The following WDR88 variants were observed in gnomAD, a reference collection of about 807,000 sequenced individuals.
WDR88 encodes the protein WD repeat-containing protein 88.
A neutral mutation model predicts 46.8 loss-of-function variants in WDR88; 40 were observed. That is an observed-to-expected ratio of 0.86 (90% CI 0.66 to 1.11). The LOEUF (loss-of-function observed/expected upper bound fraction) is 1.11. WDR88 is among the 50% of genes most tolerant of loss of function. WDR88 has a pLI of 0.00. For synonymous variants in WDR88, 235 were observed against 240.7 expected (o/e 0.98, Z 0.22); for missense variants, 562 against 602.4 (o/e 0.93, Z 0.70).
intron 6 of WDR88, among the ~76,000 whole-genome samples, chr19:33,152,093 G>T (rs967915787): frequency 6.6e-6 from 1 of 151,912 alleles, no homozygotes; most frequent in African/African-American, 2.4e-5. Context: ...TTAGCTGGGC[G>T]TGGTGGCGGG....
At chr19:33,132,505 C>G (rs1164203507) in intron 1 of WDR88, 60 bp downstream of exon 1, 1 of 1,585,278 alleles carries the variant, frequency 6.3e-7, no homozygotes, top group Non-Finnish European at 8.6e-7. Flanking sequence ...GAGGAAGGCG[C>G]TCGAGCTGTC....
Position 33,135,295 on chromosome 19 carries a change from C to T in WDR88, c.277-2382C>T, listed in dbSNP as rs116646502. Among the ~76,000 whole-genome samples, 519 of 152,292 alleles carry T rather than the reference C, an allele frequency of 3.4e-3. 5 individuals carry two copies. The highest frequency in any genetic ancestry group is 0.012 in the African/African-American group (495 of 41,570). On this transcript the variant is annotated intron_variant, in intron 1 of 10. Transcript: ENST00000355868. ...TTTATAGCGATAGAATCAAGCCATA[C>T]GTGGTCTCTTGTGACTGGCTTCATT...
In WDR88 at chr19:33,174,951, G is replaced by A. The variant is rs961923032; in HGVS notation, c.1243-445G>A. The A allele has an allele frequency of 1.8e-5, 18 of 985,320 alleles. No individual in the cohort carries two copies. The South Asian group carries it at 8.0e-4, about 44-fold the overall frequency. 61.0% of individuals were successfully genotyped at this position (985,320 alleles called of 1,614,324 possible). ...TTTGTGGGGTTAGAGATTCCAGAGA[G>A]GGGCTGCGCCCAGTGGCTCACGCCT... On this transcript the variant is annotated intron_variant, in intron 10 of 10. Transcript: ENST00000355868.
chr19:33,154,065 C>T (rs983918201), intron 6 of WDR88, among the ~76,000 whole-genome samples: 3 of 152,114 alleles, frequency 2.0e-5, no homozygotes, highest in East Asian at 3.8e-4. Context: ...CAGAACTGTA[C>T]GTGCAGCATA....
chr19:33,145,135 C>A (rs1973485922), intron 3 of WDR88, among the ~76,000 whole-genome samples: 1 of 152,162 alleles, frequency 6.6e-6, no homozygotes, highest in Admixed American at 6.6e-5. Flanking sequence ...CAGGCATGAG[C>A]CACCACACCT....
At chr19:33,170,793 C>T (rs903790686) in intron 9 of WDR88, among the ~76,000 whole-genome samples, 2 of 151,882 alleles carry the variant, frequency 1.3e-5, no homozygotes, top group South Asian at 2.1e-4. Context: ...GCCTGCGAAG[C>T]GGAGGTTGTA....
chr19:33,165,480 A>AT (rs1312946002), intron 9 of WDR88, among the ~76,000 whole-genome samples: 12 of 152,332 alleles, frequency 7.9e-5, no homozygotes, highest in African/African-American at 2.9e-4. Flanking sequence ...ATTATTTTAT[A>AT]TTTTTTACTT....
At chr19:33,139,331 G>A (rs1244619832) in intron 2 of WDR88, among the ~76,000 whole-genome samples, 2 of 152,246 alleles carry the variant, frequency 1.3e-5, no homozygotes, top group African/African-American at 4.8e-5. Flanking sequence ...CACTCAGGAG[G>A]GCTGGGGAGG....
At chr19:33,132,997 A>G (rs975701587) in intron 1 of WDR88, among the ~76,000 whole-genome samples, 18 of 151,380 alleles carry the variant, frequency 1.2e-4, no homozygotes, top group African/African-American at 4.4e-4. Context: ...TCGTCTCTAC[A>G]AGAAATAAAC....
intron 9 of WDR88, among the ~76,000 whole-genome samples, chr19:33,170,666 G>C (rs1306634596): frequency 6.6e-6 from 1 of 152,082 alleles, no homozygotes; most frequent in African/African-American, 2.4e-5. Flanking sequence ...TTTGAGACCA[G>C]CCTGGGCAAC....
intron 2 of WDR88, among the ~76,000 whole-genome samples, chr19:33,140,086 G>C (rs757529977): frequency 6.6e-6 from 1 of 152,138 alleles, no homozygotes; most frequent in Non-Finnish European, 1.5e-5. Flanking sequence ...TCAAGATCTT[G>C]TTAGAAAAAC....
chr19:33,160,482 A>C lies in WDR88; in HGVS notation c.1066A>C (p.Lys356Gln). Residue 356 changes from lysine to glutamine, a missense_variant, in exon 8 of 11, where the codon AAG becomes CAG. Transcript: ENST00000355868. ...AIWDVAEGYR[K>Q]LSLKGHNDWV... ...TTGGGATGTAGCAGAAGGCTACCGG[A>C]AGCTCTCTTTGAAGGTACATGTGGC... The C allele has an allele frequency of 6.2e-7, 1 of 1,614,140 alleles. No homozygotes were observed. Among genetic ancestry groups the C allele is most frequent in the Non-Finnish European group, 8.5e-7 (1 of 1,180,030 alleles).
At chr19:33,134,584 A>G (rs11084709) in intron 1 of WDR88, among the ~76,000 whole-genome samples, 86,806 of 151,580 alleles carry the variant, frequency 0.57, 28,520 homozygotes, top group African/African-American at 0.89. Flanking sequence ...GGGTCGCCAG[A>G]GGCGGGGGCG....
At chr19:33,134,378 A>G (rs965345407) in intron 1 of WDR88, among the ~76,000 whole-genome samples, 1 of 151,836 alleles carries the variant, frequency 6.6e-6, no homozygotes, top group Non-Finnish European at 1.5e-5. Flanking sequence ...TTTTGTAGAG[A>G]GGGGGAGTCT....
In WDR88 at chr19:33,135,624, G is replaced by C. The variant is rs1211304076; in HGVS notation, c.277-2053G>C. Among the ~76,000 whole-genome samples, 4 of 152,070 alleles carry C rather than the reference G, an allele frequency of 2.6e-5. No homozygotes were observed. The East Asian group carries it at 7.7e-4, about 29-fold the overall frequency. On this transcript the variant is annotated intron_variant, in intron 1 of 10. Coordinates refer to ENST00000355868, the MANE Select transcript of WDR88 (RefSeq NM_173479.4). Reference sequence around the variant, plus strand: ...GTAGAGACGGGGTTTCACCATGTTGGCCAGGCTGGTCTTGAACTCCTGGCC... The same window carrying C: ...GTAGAGACGGGGTTTCACCATGTTGCCCAGGCTGGTCTTGAACTCCTGGCC...
rs1330950842 is a variant in WDR88, at chr19:33,158,137, TCAGGAGCCAAACATATGC to T, written c.997+1596_997+1613del. Among the ~76,000 whole-genome samples, 5 of 152,152 alleles carry T rather than the reference TCAGGAGCCAAACATATGC, an allele frequency of 3.3e-5. No individual in the cohort carries two copies. In the East Asian group the frequency reaches 9.7e-4, roughly 30 times the overall value. On this transcript the variant is annotated intron_variant, in intron 7 of 10. Coordinates refer to ENST00000355868, the MANE Select transcript of WDR88 (RefSeq NM_173479.4). Reference sequence around the variant, plus strand: ...GGAGGGAAGTGGGTGCTCTTGACACTCAGGAGCCAAACATATGCTCCCCTATCCTGGTGAGAAGTGGGG... The same window carrying T: ...GGAGGGAAGTGGGTGCTCTTGACACTTCCCCTATCCTGGTGAGAAGTGGGG...
At chr19:33,171,076 C>T (rs1421280943) in intron 9 of WDR88, among the ~76,000 whole-genome samples, 1 of 152,050 alleles carries the variant, frequency 6.6e-6, no homozygotes, top group Non-Finnish European at 1.5e-5. Context: ...AACTCTGCCT[C>T]CCAAGTTTAA....
At chr19:33,164,818 G>A (rs143253853) in intron 9 of WDR88, among the ~76,000 whole-genome samples, 24 of 152,188 alleles carry the variant, frequency 1.6e-4, no homozygotes, top group South Asian at 1.0e-3. Flanking sequence ...GTTGGGGGGC[G>A]GGGGATGGTT....
At chr19:33,158,250 G>A (rs1973800034) in intron 7 of WDR88, among the ~76,000 whole-genome samples, 1 of 151,994 alleles carries the variant, frequency 6.6e-6, no homozygotes, top group Non-Finnish European at 1.5e-5. Flanking sequence ...AAGCACTAGG[G>A]TGCTTCTGGG....
Sources: gnomAD v4.1 joint callset for allele counts (sites outside exome capture counted in the v4.1 genomes callset) on GRCh38, gnomAD v4.1.1 for gene constraint, MANE v1.5 for transcripts, NCBI Gene and HGNC (gene_info 2026-07-23, HGNC 2026-07-21) for gene names.